The following SLCO1B3 variants were observed in gnomAD, a reference collection of about 807,000 sequenced individuals.
The protein encoded by SLCO1B3 is solute carrier organic anion transporter family member 1B3, also known as liver-specific organic anion transporter 2.
Under a neutral mutation model 71.8 loss-of-function variants are expected in SLCO1B3, and 72 were observed. The observed-to-expected ratio is 1.00, with a 90% CI of 0.83 to 1.22. The LOEUF (loss-of-function observed/expected upper bound fraction) is 1.22. SLCO1B3 is among the 50% of genes most tolerant of loss of function. The pLI is 0.00. For synonymous variants in SLCO1B3, 298 were observed against 278.4 expected, an observed-to-expected ratio of 1.07 and a Z score of -0.70; for missense variants, 911 against 819.7, an observed-to-expected ratio of 1.11 and a Z score of -1.36.
At chr12:20,861,731 A>C (rs1042498582) in intron 6 of SLCO1B3, among the ~76,000 whole-genome samples, 3 of 108,742 alleles carry the variant, frequency 2.8e-5, no homozygotes, top group African/African-American at 8.2e-5. Flanking sequence ...TTTATTAAAA[A>C]TAAATGAAGT....
intron 15 of SLCO1B3, among the ~76,000 whole-genome samples, chr12:20,908,294 C>G (rs1866297155): frequency 6.6e-6 from 1 of 152,152 alleles, no homozygotes; most frequent in Admixed American, 6.5e-5. Flanking sequence ...CTTGCCTGCT[C>G]CCGCATACAT....
chr12:20,821,630 G>T (rs1401948219), intron 3 of SLCO1B3, among the ~76,000 whole-genome samples: 2 of 152,090 alleles, frequency 1.3e-5, no homozygotes, highest in Non-Finnish European at 1.5e-5. Flanking sequence ...AGGAGAAGGG[G>T]TTGAGGGGTA....
In SLCO1B3 at chr12:20,898,519, T is replaced by A; in HGVS notation, c.1747+19T>A. ...ACACTAGGTATGACAAATATATAGA[T>A]TATACATTTTAACATATAAATATTA... On this transcript the variant is annotated intron_variant, in intron 14 of 15. Coordinates refer to ENST00000381545, the MANE Select transcript of SLCO1B3 (RefSeq NM_019844.4). 7.9e-7 allele frequency: 1 copy of A among 1,262,458 alleles called. No homozygotes were observed. The highest frequency in any genetic ancestry group is 1.1e-6 in the Non-Finnish European group (1 of 881,588). The allele number at this position is 1,262,458 out of a possible 1,614,324, so 78.2% of individuals were successfully genotyped here.
intron 3 of SLCO1B3, among the ~76,000 whole-genome samples, chr12:20,822,076 G>A (rs1253665029): frequency 5.3e-5 from 8 of 152,152 alleles, no homozygotes; most frequent in African/African-American, 9.6e-5. Context: ...TGGGCTGGTC[G>A]GTCTGAGGAC....
intron 15 of SLCO1B3, among the ~76,000 whole-genome samples, chr12:20,915,382 A>G (rs1866471175): frequency 6.6e-6 from 1 of 152,136 alleles, no homozygotes; most frequent in African/African-American, 2.4e-5. Context: ...CATTCTGTCT[A>G]CATTATCCAT....
intron 13 of SLCO1B3, among the ~76,000 whole-genome samples, chr12:20,890,110 G>A (rs1865875047): frequency 6.6e-6 from 1 of 151,126 alleles, no homozygotes; most frequent in African/African-American, 2.4e-5. Flanking sequence ...ATAGAGACGG[G>A]GTTTCACCAT....
chr12:20,897,538 T>C (rs1866036947), intron 13 of SLCO1B3, among the ~76,000 whole-genome samples: 5 of 152,178 alleles, frequency 3.3e-5, no homozygotes. Flanking sequence ...AAAGCATAAT[T>C]TGTCTATTTA....
chr12:20,830,031 A>G (rs1864506466), intron 3 of SLCO1B3, among the ~76,000 whole-genome samples: 1 of 152,116 alleles, frequency 6.6e-6, no homozygotes, highest in South Asian at 2.1e-4. Flanking sequence ...TCATCCTGTG[A>G]CTTAGAATGC....
At chr12:20,839,125 C>G (rs1366969136) in intron 3 of SLCO1B3, among the ~76,000 whole-genome samples, 5 of 151,738 alleles carry the variant, frequency 3.3e-5, no homozygotes, top group African/African-American at 1.2e-4. Flanking sequence ...TTGTGTCATT[C>G]TTTTTATTTT....
At position 20,898,452 on chromosome 12, in the gene SLCO1B3, T is replaced by C; in HGVS notation, c.1699T>C (p.Leu567=). ...ATATTTCAGGATTGTTCAACCTGAA[T>C]TGAAAGCACTTGCAATGGGTTTCCA... ...LLTVKIVQPE[L]KALAMGFQSM... The change falls in exon 14 of 16, where the codon TTG becomes CTG. Residue 567 remains leucine, a synonymous_variant. Transcript: ENST00000381545. 1.3e-6 allele frequency: 2 copies of C among 1,598,264 alleles called. No individual in the cohort carries two copies. The highest frequency in any genetic ancestry group is 1.7e-6 in the Non-Finnish European group (2 of 1,168,130).
intron 3 of SLCO1B3, among the ~76,000 whole-genome samples, chr12:20,851,613 A>G (rs1865026200): frequency 6.6e-6 from 1 of 152,036 alleles, no homozygotes; most frequent in Non-Finnish European, 1.5e-5. Flanking sequence ...CTGCCATTCT[A>G]TAGGTTAAAT....
At chr12:20,901,017 C>G (rs1866119737) in intron 14 of SLCO1B3, among the ~76,000 whole-genome samples, 1 of 152,120 alleles carries the variant, frequency 6.6e-6, no homozygotes, top group Non-Finnish European at 1.5e-5. Context: ...ACATAACTTT[C>G]ATGTTTTACT....
chr12:20,896,579 A>G (rs912257468), intron 13 of SLCO1B3, among the ~76,000 whole-genome samples: 4 of 152,050 alleles, frequency 2.6e-5, no homozygotes, highest in Non-Finnish European at 4.4e-5. Flanking sequence ...TGTCCATATC[A>G]CTATCAGGCT....
rs916341514 is a variant in SLCO1B3, at chr12:20,820,834, G to A, written c.84+5012G>A. ...ATATTTGATGAAAAAGAGCCTAAAC[G>A]CTTCTGATTTGGGATAAAGAAAAAG... On this transcript the variant is annotated intron_variant, in intron 3 of 15. Coordinates refer to ENST00000381545, the MANE Select transcript of SLCO1B3 (RefSeq NM_019844.4). Among the ~76,000 whole-genome samples the A allele has an allele frequency of 1.7e-4, 26 of 152,168 alleles. 1 individual carries two copies. Among genetic ancestry groups the A allele is most frequent in the Admixed American group, 9.8e-4 (15 of 15,270 alleles).
chr12:20,895,074 A>G (rs772836174), intron 13 of SLCO1B3, among the ~76,000 whole-genome samples: 1 of 152,162 alleles, frequency 6.6e-6, no homozygotes, highest in African/African-American at 2.4e-5. Flanking sequence ...AGCATGGGAA[A>G]GACCACGATT....
chr12:20,829,686 T>C lies in SLCO1B3; in HGVS notation c.84+13864T>C, dbSNP rs375782280. ...GTCCACAGTGAAAAGTTAAAGCAAG[T>C]TTATTAAGAAAGTAAAGGAATAAAA... On this transcript the variant is annotated intron_variant, in intron 3 of 15. Transcript: ENST00000381545. Among the ~76,000 whole-genome samples the C allele has an allele frequency of 1.2e-3, 185 of 152,210 alleles. 4 individuals carry two copies. In the South Asian group the frequency reaches 0.033, roughly 27 times the overall value.
At position 20,916,586 on chromosome 12, in the gene SLCO1B3, G is replaced by A. The variant is rs191491660; in HGVS notation, c.*339G>A. On this transcript the variant is annotated 3_prime_UTR_variant, in exon 16 of 16. Coordinates refer to ENST00000381545, the MANE Select transcript of SLCO1B3 (RefSeq NM_019844.4). ...ATAGCCTAAATAAAGAGAAAAGCCT[G>A]ATGCCTTTAAAAAAAATGAAACACT... 6.8e-6 allele frequency: 1 copy of A among 147,644 alleles called. No homozygotes were observed. The highest frequency in any genetic ancestry group is 1.5e-5 in the Non-Finnish European group (1 of 67,548). 9.1% of individuals were successfully genotyped at this position (147,644 alleles called of 1,614,324 possible). A position where few individuals can be genotyped will look rare whatever the true frequency, so the allele number is the denominator to read the frequency against.
At chr12:20,823,193 T>A (rs996346595) in intron 3 of SLCO1B3, among the ~76,000 whole-genome samples, 1 of 152,210 alleles carries the variant, frequency 6.6e-6, no homozygotes, top group Non-Finnish European at 1.5e-5. Context: ...ATGTTTCGTG[T>A]GTATAAATCG....
intron 8 of SLCO1B3, 85 bp downstream of exon 8, chr12:20,862,939 A>G (rs942198735): frequency 1.3e-5 from 9 of 676,540 alleles, no homozygotes; most frequent in Non-Finnish European, 2.3e-5. Context: ...TCAGTCTTTC[A>G]ATAGTTCTTT....
Sources: allele counts gnomAD v4.1 joint callset (sites outside exome capture counted in the v4.1 genomes callset), GRCh38; gene constraint gnomAD v4.1.1; transcripts MANE v1.5; gene names NCBI Gene and HGNC (gene_info 2026-07-23, HGNC 2026-07-21).